Variants in EML6 observed in about 807,000 individuals in gnomAD.
EML6 encodes the protein echinoderm microtubule-associated protein-like 6.
A neutral mutation model predicts 240.1 loss-of-function variants in EML6; 154 were observed. That is an observed-to-expected ratio of 0.64 (90% CI 0.56 to 0.73). EML6 has a LOEUF of 0.73. Among genes scored for constraint, EML6 ranks in the 30% least tolerant of loss-of-function variants. The probability of loss-of-function intolerance (pLI) is 0.00; values close to 1 mark genes in which losing one functional copy is unlikely to be tolerated. For synonymous variants in EML6, 1,148 were observed against 899.0 expected (o/e 1.28, Z -4.95); for missense variants, 2,964 against 2,474.6 (o/e 1.20, Z -4.20).
intron 32 of EML6, 52 bp from the exon 33 acceptor site, chr2:54,957,738 G>A: frequency 1.3e-6 from 2 of 1,520,678 alleles, no homozygotes; most frequent in South Asian, 2.4e-5. Context: ...GGCTCCCCCG[G>A]CCTGGCCCAT....
Position 54,853,681 on chromosome 2 carries a change from A to T in EML6, c.1483A>T (p.Ile495Phe), listed in dbSNP as rs1670216871. 4 of 1,549,362 alleles carry T rather than the reference A, an allele frequency of 2.6e-6. No individual in the cohort carries two copies. Among genetic ancestry groups the T allele is most frequent in the Non-Finnish European group, 2.6e-6 (3 of 1,145,704 alleles). Reference sequence around the variant, plus strand: ...AACAAGTAAAGAAGAAATTAAAGGGATTCCTTGGGCCTCCTGGACATGCGT... The same window carrying T: ...AACAAGTAAAGAAGAAATTAAAGGGTTTCCTTGGGCCTCCTGGACATGCGT... ...PLTSKEEIKGIPWASWTCVKG... is the reference protein window; with the variant it reads ...PLTSKEEIKGFPWASWTCVKG... Residue 495 changes from isoleucine to phenylalanine, a missense_variant, in exon 11 of 42, where the codon ATT becomes TTT. Ile to Phe is a conservative substitution (Grantham distance 21). Coordinates refer to ENST00000356458, the MANE Select transcript of EML6 (RefSeq NM_001039753.4).
intron 28 of EML6, among the ~76,000 whole-genome samples, chr2:54,936,902 C>T (rs923976666): frequency 5.3e-5 from 8 of 151,990 alleles, no homozygotes; most frequent in South Asian, 2.1e-4. Context: ...TTTTTCCTTC[C>T]GCAGTAGACT....
At chr2:54,933,059 C>T (rs1461632797) in intron 28 of EML6, among the ~76,000 whole-genome samples, 1 of 152,118 alleles carries the variant, frequency 6.6e-6, no homozygotes, top group African/African-American at 2.4e-5. Context: ...CTTCATATCT[C>T]AGTTCTTCTT....
chr2:54,744,905 T>TACACACACACACACACAC (rs56324677), intron 2 of EML6, among the ~76,000 whole-genome samples: 9 of 107,306 alleles, frequency 8.4e-5, no homozygotes, highest in South Asian at 7.9e-4. Context: ...CACACACACG[T>TACACACACACACACACAC]ACACACACAC....
intron 9 of EML6, among the ~76,000 whole-genome samples, chr2:54,848,704 TCAGGG>T (rs1242332151): frequency 2.6e-5 from 4 of 152,236 alleles, no homozygotes; most frequent in African/African-American, 9.6e-5. Flanking sequence ...CTTTACTGGC[TCAGGG>T]GACCTGCTAG....
chr2:54,866,238 G>A (rs771890938), intron 13 of EML6, among the ~76,000 whole-genome samples: 1 of 152,322 alleles, frequency 6.6e-6, no homozygotes, highest in Middle Eastern at 3.4e-3. Context: ...GTAAACAACA[G>A]ATGGGTTTTT....
At chr2:54,966,525 G>A (rs749534266) in intron 38 of EML6, among the ~76,000 whole-genome samples, 1 of 152,210 alleles carries the variant, frequency 6.6e-6, no homozygotes, top group Non-Finnish European at 1.5e-5. Flanking sequence ...GAGATCATCT[G>A]TGTCACCCAC....
intron 2 of EML6, among the ~76,000 whole-genome samples, chr2:54,756,656 C>CT (rs528810077): frequency 5.0e-4 from 75 of 151,220 alleles, no homozygotes; most frequent in East Asian, 2.5e-3. Flanking sequence ...TACAAAAAGC[C>CT]TTTTTTTTGA....
At chr2:54,729,123 G>A (rs751353913) in intron 2 of EML6, among the ~76,000 whole-genome samples, 4 of 152,220 alleles carry the variant, frequency 2.6e-5, no homozygotes, top group African/African-American at 7.2e-5. Context: ...ATAAAATGGA[G>A]TTTTAAAGTA....
intron 10 of EML6, among the ~76,000 whole-genome samples, chr2:54,850,650 T>C (rs1332383551): frequency 1.3e-5 from 2 of 152,056 alleles, no homozygotes; most frequent in Non-Finnish European, 2.9e-5. Context: ...GAAATGATCA[T>C]TAAAACAACA....
chr2:54,897,169 T>C (rs2104163231), intron 21 of EML6, among the ~76,000 whole-genome samples: 1 of 152,348 alleles, frequency 6.6e-6, no homozygotes, highest in Middle Eastern at 3.4e-3. Context: ...TTTAGAAGAT[T>C]TATGCCCCAA....
At chr2:54,906,092 G>T (rs1261701397) in intron 24 of EML6, among the ~76,000 whole-genome samples, 1 of 152,098 alleles carries the variant, frequency 6.6e-6, no homozygotes, top group African/African-American at 2.4e-5. Context: ...AACTTTTTGA[G>T]GAATTACTAT....
At chr2:54,819,761 G>A (rs1192293662) in intron 4 of EML6, among the ~76,000 whole-genome samples, 2 of 130,236 alleles carry the variant, frequency 1.5e-5, no homozygotes, top group Admixed American at 8.9e-5. Context: ...GTGACGGAGC[G>A]AGACTGTCTC....
At chr2:54,834,118 G>A (rs1669011957) in intron 7 of EML6, among the ~76,000 whole-genome samples, 1 of 152,068 alleles carries the variant, frequency 6.6e-6, no homozygotes, top group South Asian at 2.1e-4. Flanking sequence ...GAATTTTCAG[G>A]CTGGGAGACA....
intron 17 of EML6, chr2:54,882,136 T>C (rs1671847783): frequency 6.6e-6 from 1 of 152,220 alleles, no homozygotes; most frequent in East Asian, 1.9e-4. Flanking sequence ...AGAGATCTTA[T>C]TTACAAGATA....
intron 21 of EML6, among the ~76,000 whole-genome samples, chr2:54,897,161 T>C (rs553269001): frequency 2.0e-5 from 3 of 152,382 alleles, no homozygotes; most frequent in East Asian, 3.9e-4. Flanking sequence ...CTAGATATTT[T>C]AGAAGATTTA....
rs529304599 is a variant in EML6 at position 54,809,652 on chromosome 2, G to C, written c.198-3580G>C. The stretch of plus-strand genomic sequence containing the variant: ...ATAATACTTCCCTGTCATTTAAAAT[G>C]CTTCTGAACTAAAATTCCAAAGATG... On this transcript the variant is annotated intron_variant, in intron 2 of 41. Coordinates refer to ENST00000356458, the MANE Select transcript of EML6 (RefSeq NM_001039753.4). 2.6e-5 allele frequency among the ~76,000 whole-genome samples: 4 copies of C among 152,208 alleles called. No homozygotes were observed. The South Asian group carries it at 8.3e-4, about 32-fold the overall frequency.
At chr2:54,773,634 C>G (rs1460794673) in intron 2 of EML6, among the ~76,000 whole-genome samples, 1 of 152,232 alleles carries the variant, frequency 6.6e-6, no homozygotes, top group African/African-American at 2.4e-5. Context: ...TTCCAATTTA[C>G]ATTGTCTAAG....
chr2:54,865,790 A>G (rs1558629000), intron 13 of EML6, among the ~76,000 whole-genome samples: 2 of 152,212 alleles, frequency 1.3e-5, no homozygotes, highest in African/African-American at 2.4e-5. Context: ...GCTTTCACCG[A>G]TATTTGATTT....
Sources: allele counts gnomAD v4.1 joint callset (sites outside exome capture counted in the v4.1 genomes callset), GRCh38; gene constraint gnomAD v4.1.1; transcripts MANE v1.5; gene names NCBI Gene and HGNC (gene_info 2026-07-23, HGNC 2026-07-21).